The following UBE2D1 variants were observed in gnomAD, a reference collection of about 807,000 sequenced individuals.
UBE2D1 encodes the protein ubiquitin-conjugating enzyme E2 D1.
In UBE2D1, 9 loss-of-function variants were observed where a neutral mutation model predicts 24.6. The ratio of observed to expected loss-of-function variants is 0.37; its 90% CI spans 0.22 to 0.64. The LOEUF (loss-of-function observed/expected upper bound fraction) is 0.64. Ranked by LOEUF, UBE2D1 falls within the 30% of genes least tolerant of loss-of-function variation. The probability of loss-of-function intolerance (pLI) is 0.64; values close to 1 mark genes in which losing one functional copy is unlikely to be tolerated. For missense variants in UBE2D1, 87 were observed against 177.1 expected (o/e 0.49, Z 2.89); for synonymous variants, 57 against 57.6 (o/e 0.99, Z 0.04).
At chr10:58,342,417 T>C (rs1337174300) in intron 1 of UBE2D1, among the ~76,000 whole-genome samples, 1 of 152,160 alleles carries the variant, frequency 6.6e-6, no homozygotes, top group Non-Finnish European at 1.5e-5. Context: ...TTAAGCTTCC[T>C]CAGATAATAA....
rs1448364056 is a variant in UBE2D1 at position 58,369,593 on chromosome 10, A to G, written c.*828A>G. ...TCCATATAAATAAAATGCTTTTTCTACTATTTGTCTTGATTACTTAAAAAA... is the reference window on the plus strand; with the variant it reads ...TCCATATAAATAAAATGCTTTTTCTGCTATTTGTCTTGATTACTTAAAAAA... On this transcript the variant is annotated 3_prime_UTR_variant, in exon 7 of 7. Transcript: ENST00000373910. 1 of 152,398 alleles carries G rather than the reference A, an allele frequency of 6.6e-6. No individual in the cohort carries two copies. The highest frequency in any genetic ancestry group is 1.5e-5 in the Non-Finnish European group (1 of 67,800). The allele number at this position is 152,398 out of a possible 1,614,324, so 9.4% of individuals were successfully genotyped here. A position where few individuals can be genotyped will look rare whatever the true frequency, so the allele number is the denominator to read the frequency against.
At chr10:58,338,687 TAA>T (rs1839930131) in intron 1 of UBE2D1, among the ~76,000 whole-genome samples, 1 of 152,208 alleles carries the variant, frequency 6.6e-6, no homozygotes, top group Non-Finnish European at 1.5e-5. Context: ...AAGGAAATCC[TAA>T]AACAGTCATT....
Position 58,341,717 on chromosome 10 carries a change from A to G in UBE2D1, c.24+6492A>G, listed in dbSNP as rs79353478. 4.6e-3 allele frequency among the ~76,000 whole-genome samples: 697 copies of G among 152,274 alleles called. 3 individuals are homozygous for G. Among genetic ancestry groups the G allele is most frequent in the Non-Finnish European group, 8.2e-3 (560 of 68,014 alleles). On this transcript the variant is annotated intron_variant, in intron 1 of 6. Coordinates refer to ENST00000373910, the MANE Select transcript of UBE2D1 (RefSeq NM_003338.5). ...TAGTTCCCTGAAATACGCATAGAAAACATATGGGCCCTTTATTTTCATTTA... is the reference window on the plus strand; with the variant it reads ...TAGTTCCCTGAAATACGCATAGAAAGCATATGGGCCCTTTATTTTCATTTA...
intron 3 of UBE2D1, 87 bp downstream of exon 3, chr10:58,361,613 A>G: frequency 6.4e-7 from 1 of 1,558,552 alleles, no homozygotes; most frequent in South Asian, 1.1e-5. Context: ...TTTGTGATGA[A>G]GGTTGAATAT....
At chr10:58,366,119 C>G (rs551606864) in intron 5 of UBE2D1, among the ~76,000 whole-genome samples, 3 of 152,130 alleles carry the variant, frequency 2.0e-5, no homozygotes, top group Non-Finnish European at 4.4e-5. Flanking sequence ...AGTTCATACG[C>G]TGTTTCCTGG....
In UBE2D1 at chr10:58,369,612, T is replaced by TA. The variant is rs759243334; in HGVS notation, c.*854dup. 3 of 152,374 alleles carry TA rather than the reference T, an allele frequency of 2.0e-5. No homozygotes were observed. Among genetic ancestry groups the TA allele is most frequent in the Non-Finnish European group, 4.4e-5 (3 of 67,820 alleles). The allele number at this position is 152,374 out of a possible 1,614,324, so 9.4% of individuals were successfully genotyped here. ...TTTTCTACTATTTGTCTTGATTACT[T>TA]AAAAAAATAAAAATATAAGTAAGGA... is the stretch of plus-strand genomic sequence containing the variant. On this transcript the variant is annotated 3_prime_UTR_variant, in exon 7 of 7. Coordinates refer to ENST00000373910, the MANE Select transcript of UBE2D1 (RefSeq NM_003338.5).
chr10:58,341,250 T>C (rs1399414624), intron 1 of UBE2D1, among the ~76,000 whole-genome samples: 2 of 152,216 alleles, frequency 1.3e-5, no homozygotes. Context: ...TTAGTTCCTG[T>C]AGTGGTTTTG....
intron 3 of UBE2D1, 50 bp from the exon 4 acceptor site, chr10:58,363,559 A>G: frequency 7.5e-7 from 1 of 1,325,212 alleles, no homozygotes; most frequent in South Asian, 1.4e-5. Flanking sequence ...TTTTGTTGTT[A>G]TAAATAAATA....
Position 58,361,303 on chromosome 10 carries a change from A to T in UBE2D1, c.25-35A>T, listed in dbSNP as rs1205659593. 5.6e-6 allele frequency: 9 copies of T among 1,608,810 alleles called. No homozygotes were observed. In the African/African-American group the frequency reaches 9.4e-5, roughly 17 times the overall value. On this transcript the variant is annotated intron_variant, in intron 1 of 6. Transcript: ENST00000373910. ...TTACCCTTGTTTCATTGGGAAAAGA[A>T]GGAATTAACCTTACATATTTTTGAT...
chr10:58,339,470 T>C (rs947156441), intron 1 of UBE2D1, among the ~76,000 whole-genome samples: 6 of 152,166 alleles, frequency 3.9e-5, no homozygotes, highest in African/African-American at 1.2e-4. Context: ...CTAGTACATA[T>C]TTTCCATACA....
At chr10:58,342,994 T>A (rs996140430) in intron 1 of UBE2D1, among the ~76,000 whole-genome samples, 1 of 152,030 alleles carries the variant, frequency 6.6e-6, no homozygotes, top group Non-Finnish European at 1.5e-5. Context: ...CACACCCAGC[T>A]AATTTTTTGT....
rs1170364172 is a variant in UBE2D1 at position 58,335,084 on chromosome 10, G to C, written c.-118G>C. The stretch of plus-strand genomic sequence containing the variant: ...GGAGCGAGCCAGGGAGCGGCTAACC[G>C]GGGACCCACCGCGCGGAGCCAGCCT... On this transcript the variant is annotated 5_prime_UTR_variant, in exon 1 of 7. Transcript: ENST00000373910. The C allele has an allele frequency of 1.8e-6, 2 of 1,137,010 alleles. No individual in the cohort carries two copies. Among genetic ancestry groups the C allele is most frequent in the East Asian group, 2.8e-5 (1 of 35,854 alleles). 70.4% of individuals were successfully genotyped at this position (1,137,010 alleles called of 1,614,324 possible).
rs548865564 is a variant in UBE2D1, at chr10:58,368,971, T to A, written c.*206T>A. 1.3e-4 allele frequency: 44 copies of A among 345,384 alleles called. No homozygotes were observed. The East Asian group carries it at 1.8e-3, about 14-fold the overall frequency. The allele number at this position is 345,384 out of a possible 1,614,324, so 21.4% of individuals were successfully genotyped here. On this transcript the variant is annotated 3_prime_UTR_variant, in exon 7 of 7. Coordinates refer to ENST00000373910, the MANE Select transcript of UBE2D1 (RefSeq NM_003338.5). ...TGATGAGAGCATTTATCATTTTGTA[T>A]GCATTGAGAAAGACATTTATTATGG... is the stretch of plus-strand genomic sequence containing the variant.
At position 58,364,797 on chromosome 10, in the gene UBE2D1, T is replaced by C. The variant is rs771393674; in HGVS notation, c.225T>C (p.His75=). 6 of 1,613,480 alleles carry C rather than the reference T, an allele frequency of 3.7e-6. No individual in the cohort carries two copies. Among genetic ancestry groups the C allele is most frequent in the Non-Finnish European group, 5.1e-6 (6 of 1,179,742 alleles). ...TTGCTTTCACAACAAAAATTTACCA[T>C]CCAAACATAAACAGTAATGGAAGTA... ...PKIAFTTKIY[H]PNINSNGSIC... is the part of the protein sequence containing the mutation. Residue 75 remains histidine, a synonymous_variant, in exon 5 of 7, where the codon CAT becomes CAC. Coordinates refer to ENST00000373910, the MANE Select transcript of UBE2D1 (RefSeq NM_003338.5).
intron 1 of UBE2D1, among the ~76,000 whole-genome samples, chr10:58,349,885 A>G (rs1054944398): frequency 1.4e-4 from 21 of 152,106 alleles, no homozygotes; most frequent in Non-Finnish European, 2.6e-4. Context: ...TTTGAACGTT[A>G]TTTAAGGGGA....
intron 1 of UBE2D1, among the ~76,000 whole-genome samples, chr10:58,340,319 C>T (rs1466310192): frequency 6.6e-6 from 1 of 152,090 alleles, no homozygotes; most frequent in Non-Finnish European, 1.5e-5. Context: ...TACTACTTGC[C>T]TTATTCTGTC....
chr10:58,350,294 A>T (rs1840058828), intron 1 of UBE2D1, among the ~76,000 whole-genome samples: 1 of 152,068 alleles, frequency 6.6e-6, no homozygotes, highest in Non-Finnish European at 1.5e-5. Context: ...CTTCTATTTC[A>T]TTTAAATCAT....
intron 1 of UBE2D1, among the ~76,000 whole-genome samples, chr10:58,342,289 C>T (rs369256040): frequency 5.9e-5 from 9 of 152,066 alleles, no homozygotes; most frequent in African/African-American, 1.7e-4. Context: ...CATATGGTCC[C>T]GTTTGTATGG....
chr10:58,343,074 A>C (rs556101300), intron 1 of UBE2D1, among the ~76,000 whole-genome samples: 1 of 152,174 alleles, frequency 6.6e-6, no homozygotes, highest in East Asian at 1.9e-4. Context: ...CAGGTGATCC[A>C]CCTGCCTTAG....
Sources: gnomAD v4.1 joint callset for allele counts (sites outside exome capture counted in the v4.1 genomes callset) on GRCh38, gnomAD v4.1.1 for gene constraint, MANE v1.5 for transcripts, NCBI Gene and HGNC (gene_info 2026-07-23, HGNC 2026-07-21) for gene names.